Variants in GRIA1 observed in about 807,000 individuals in gnomAD.
GRIA1 encodes the protein glutamate ionotropic receptor AMPA type subunit 1, also known as glutamate receptor 1.
GRIA1 carries 31 observed loss-of-function variants against 99.2 expected under a neutral mutation model. The ratio of observed to expected loss-of-function variants is 0.31; its 90% confidence interval spans 0.23 to 0.42. GRIA1 has a LOEUF of 0.42. GRIA1 is among the 10% of genes least tolerant of loss of function. The probability of loss-of-function intolerance (pLI) is 1.00; values close to 1 mark genes in which losing one functional copy is unlikely to be tolerated. For synonymous variants in GRIA1, 438 were observed against 432.4 expected (o/e 1.01, Z -0.16); for missense variants, 782 against 1,157.5 (o/e 0.68, Z 4.71).
chr5:153,650,367 T>G lies in GRIA1; in HGVS notation c.498T>G (p.Ala166=). 6.2e-7 allele frequency: 1 copy of G among 1,613,956 alleles called. No homozygotes were observed. The highest frequency in any genetic ancestry group is 1.1e-5 in the South Asian group (1 of 91,086). ...TGCAGAAAGTCCTGGATACAGCTGCTGAGAAGAACTGGCAGGTGACAGCAG... is the reference window on the plus strand; with the variant it reads ...TGCAGAAAGTCCTGGATACAGCTGCGGAGAAGAACTGGCAGGTGACAGCAG... ...SVLQKVLDTA[A]EKNWQVTAVN... The change falls in exon 4 of 16, where the codon GCT becomes GCG. Residue 166 remains alanine (A), a synonymous_variant. Coordinates refer to ENST00000285900, the MANE Select transcript of GRIA1 (RefSeq NM_000827.4).
intron 2 of GRIA1, among the ~76,000 whole-genome samples, chr5:153,518,617 A>G (rs573537632): frequency 1.3e-5 from 2 of 152,354 alleles, no homozygotes; most frequent in South Asian, 4.1e-4. Context: ...TATATTATTA[A>G]TCATGTGTAT....
At chr5:153,565,323 C>T (rs17518607) in intron 2 of GRIA1, among the ~76,000 whole-genome samples, 7,635 of 152,234 alleles carry the variant, frequency 0.05, 266 homozygotes, top group Non-Finnish European at 0.076. Context: ...CCACCTTCAA[C>T]TAAAATCTAC....
At chr5:153,800,766 G>A (rs1765959804) in intron 14 of GRIA1, among the ~76,000 whole-genome samples, 1 of 152,190 alleles carries the variant, frequency 6.6e-6, no homozygotes, top group Admixed American at 6.5e-5. Flanking sequence ...TAGAACTAGG[G>A]CAGAGGCCAC....
At chr5:153,580,596 G>A (rs919648701) in intron 2 of GRIA1, among the ~76,000 whole-genome samples, 3 of 152,250 alleles carry the variant, frequency 2.0e-5, no homozygotes, top group African/African-American at 7.2e-5. Context: ...TCCTAAAATG[G>A]ACATGAGGTT....
At chr5:153,549,929 C>A (rs1377653089) in intron 2 of GRIA1, among the ~76,000 whole-genome samples, 1 of 152,182 alleles carries the variant, frequency 6.6e-6, no homozygotes, top group Non-Finnish European at 1.5e-5. Context: ...AGAGGCGTTA[C>A]AGTACTCATC....
At chr5:153,751,174 G>A (rs1333787731) in intron 11 of GRIA1, among the ~76,000 whole-genome samples, 2 of 152,302 alleles carry the variant, frequency 1.3e-5, no homozygotes, top group East Asian at 3.9e-4. Context: ...TAAGAAACAA[G>A]GCAGGATGCC....
chr5:153,543,092 C>T (rs528709079), intron 2 of GRIA1, among the ~76,000 whole-genome samples: 2 of 152,228 alleles, frequency 1.3e-5, no homozygotes, highest in African/African-American at 4.8e-5. Flanking sequence ...CCTTTATAGC[C>T]ACAGTGGCTA....
chr5:153,753,487 T>C (rs868245943), intron 11 of GRIA1, among the ~76,000 whole-genome samples: 4 of 152,260 alleles, frequency 2.6e-5, no homozygotes, highest in African/African-American at 9.6e-5. Context: ...AAGTGCTGGA[T>C]AAGAAATATG....
intron 8 of GRIA1, among the ~76,000 whole-genome samples, chr5:153,696,860 GTA>G (rs891576201): frequency 2.9e-5 from 3 of 103,456 alleles, no homozygotes; most frequent in African/African-American, 1.2e-4. Flanking sequence ...TTTAGGGTGT[GTA>G]TGTGTGTGTG....
At chr5:153,648,127 G>A (rs1754293721) in intron 3 of GRIA1, among the ~76,000 whole-genome samples, 1 of 152,214 alleles carries the variant, frequency 6.6e-6, no homozygotes, top group Admixed American at 6.5e-5. Flanking sequence ...AAACTTTTGA[G>A]TTGGAGAGAG....
Position 153,706,074 on chromosome 5 carries a change from C to A in GRIA1, c.1823+7C>A. On this transcript the variant is annotated splice_region_variant and intron_variant, in intron 11 of 15. Coordinates refer to ENST00000285900, the MANE Select transcript of GRIA1 (RefSeq NM_000827.4). ...GATGTGACATTTCTCCCAGGTCAGT[C>A]AGCTCTTCTCAATCCCTTTGCCTAA... The A allele has an allele frequency of 1.9e-6, 3 of 1,613,244 alleles. No individual in the cohort carries two copies. The highest frequency in any genetic ancestry group is 2.2e-5 in the South Asian group (2 of 91,020).
chr5:153,603,607 C>T (rs1765194709), intron 2 of GRIA1, among the ~76,000 whole-genome samples: 1 of 152,158 alleles, frequency 6.6e-6, no homozygotes, highest in South Asian at 2.1e-4. Context: ...TATTTTCATA[C>T]CGAATATGTA....
At chr5:153,731,115 A>G (rs1760982147) in intron 11 of GRIA1, among the ~76,000 whole-genome samples, 1 of 151,854 alleles carries the variant, frequency 6.6e-6, no homozygotes, top group South Asian at 2.1e-4. Context: ...TTCTTCCCCA[A>G]CTCTGAAGGA....
At chr5:153,532,645 A>T (rs1456636865) in intron 2 of GRIA1, among the ~76,000 whole-genome samples, 3 of 152,060 alleles carry the variant, frequency 2.0e-5, no homozygotes, top group African/African-American at 7.2e-5. Context: ...CTTTTGTGAC[A>T]CCCACCAGGC....
chr5:153,497,786 T>A (rs113273186), intron 2 of GRIA1, among the ~76,000 whole-genome samples: 111 of 152,314 alleles, frequency 7.3e-4, no homozygotes, highest in African/African-American at 2.5e-3. Context: ...TGACATAAAG[T>A]GCTACAAATG....
intron 2 of GRIA1, among the ~76,000 whole-genome samples, chr5:153,546,415 C>G (rs1322828854): frequency 6.6e-6 from 1 of 152,100 alleles, no homozygotes; most frequent in Non-Finnish European, 1.5e-5. Context: ...TCAGAAGATG[C>G]TAAAGTCATT....
chr5:153,534,003 A>G (rs539990785), intron 2 of GRIA1, among the ~76,000 whole-genome samples: 1 of 152,360 alleles, frequency 6.6e-6, no homozygotes, highest in African/African-American at 2.4e-5. Flanking sequence ...CTGACCAAGT[A>G]GACCCCCCAC....
intron 2 of GRIA1, among the ~76,000 whole-genome samples, chr5:153,581,757 T>C (rs1224370052): frequency 4.1e-4 from 51 of 125,632 alleles, no homozygotes; most frequent in Non-Finnish European, 7.1e-4. Flanking sequence ...CTTTTCTCTT[T>C]TTTTTTTTTT....
intron 10 of GRIA1, 34 bp from the exon 11 acceptor site, chr5:153,705,662 AT>A (rs70978505): frequency 0.059 from 44,298 of 749,232 alleles, 123 homozygotes; most frequent in Non-Finnish European, 0.071. Flanking sequence ...GCTCACCTGC[AT>A]TTTTTTTTTT....
Sources: allele counts gnomAD v4.1 joint callset (sites outside exome capture counted in the v4.1 genomes callset), GRCh38; gene constraint gnomAD v4.1.1; transcripts MANE v1.5; gene names NCBI Gene and HGNC (gene_info 2026-07-23, HGNC 2026-07-21).